Variants in VPS37C observed in about 807,000 individuals in gnomAD.
The protein encoded by VPS37C is vacuolar protein sorting-associated protein 37C.
Under a neutral mutation model 16.1 loss-of-function variants are expected in VPS37C, and 9 were observed. The observed-to-expected ratio is 0.56, with a 90% CI of 0.34 to 0.97. The LOEUF is 0.97. VPS37C is among the 50% of genes least tolerant of loss of function. VPS37C has a pLI of 0.02. For synonymous variants in VPS37C, 207 were observed against 206.4 expected (o/e 1.00, Z -0.02); for missense variants, 479 against 472.7 (o/e 1.01, Z -0.12).
chr11:61,132,975 G>A (rs2134626214), intron 4 of VPS37C: 1 of 567,486 alleles, frequency 1.8e-6, no homozygotes, highest in Non-Finnish European at 3.2e-6. Flanking sequence ...GTAGGGAGCT[G>A]GCCTCAGCCC....
chr11:61,131,050 A>G lies in VPS37C; in HGVS notation c.*770T>C. On this transcript the variant is annotated 3_prime_UTR_variant, in exon 5 of 5. Coordinates refer to ENST00000301765, the MANE Select transcript of VPS37C (RefSeq NM_017966.5). ...GGCCCTCCAATCCTAAACAAGCCCC[A>G]ATGTGACCACAATCTCCAGGGCTAG... 1 of 291,416 alleles carries G rather than the reference A, an allele frequency of 3.4e-6. No individual in the cohort carries two copies. The highest frequency in any genetic ancestry group is 6.5e-6 in the Non-Finnish European group (1 of 153,742). The allele number at this position is 291,416 out of a possible 1,614,324, so 18.1% of individuals were successfully genotyped here.
Position 61,131,162 on chromosome 11 carries a change from ACAACCCC to A in VPS37C, c.*651_*657del, listed in dbSNP as rs1488419466. On this transcript the variant is annotated 3_prime_UTR_variant, in exon 5 of 5. Coordinates refer to ENST00000301765, the MANE Select transcript of VPS37C (RefSeq NM_017966.5). ...CAAGCAAGGTCTGGGGACAACCTTGACAACCCCCAGCCTTCTTGCTGGGCTGGCGCTG... is the reference window on the plus strand; with the variant it reads ...CAAGCAAGGTCTGGGGACAACCTTGACAGCCTTCTTGCTGGGCTGGCGCTG... The A allele has an allele frequency of 5.0e-6, 1 of 198,122 alleles. No homozygotes were observed. The highest frequency in any genetic ancestry group is 1.0e-5 in the Non-Finnish European group (1 of 97,952). The allele number at this position is 198,122 out of a possible 1,614,324, so 12.3% of individuals were successfully genotyped here.
chr11:61,154,114 A>C (rs745749607), intron 1 of VPS37C, among the ~76,000 whole-genome samples: 1 of 152,236 alleles, frequency 6.6e-6, no homozygotes, highest in Non-Finnish European at 1.5e-5. Flanking sequence ...TCCTAAAACA[A>C]TGCCAGGAAC....
chr11:61,138,486 G>A, intron 2 of VPS37C: 2 of 485,852 alleles, frequency 4.1e-6, no homozygotes, highest in Non-Finnish European at 7.5e-6. Context: ...TGGAACGACA[G>A]TGTGGGGACT....
intron 1 of VPS37C, among the ~76,000 whole-genome samples, chr11:61,160,709 C>T (rs1301586480): frequency 1.3e-5 from 2 of 152,198 alleles, no homozygotes; most frequent in African/African-American, 4.8e-5. Context: ...ACTCCTTCTC[C>T]CATCCGTAAA....
intron 1 of VPS37C, among the ~76,000 whole-genome samples, chr11:61,153,469 T>A (rs1040273847): frequency 6.6e-6 from 1 of 152,178 alleles, no homozygotes; most frequent in African/African-American, 2.4e-5. Context: ...AAAAACGGAC[T>A]AATACACCAG....
chr11:61,134,637 G>T (rs889191398), intron 2 of VPS37C, among the ~76,000 whole-genome samples: 2 of 152,174 alleles, frequency 1.3e-5, no homozygotes, highest in African/African-American at 4.8e-5. Flanking sequence ...GGGCTCAGGT[G>T]GTCCTGGCCA....
At chr11:61,152,973 C>T (rs779195833) in intron 1 of VPS37C, among the ~76,000 whole-genome samples, 3 of 152,252 alleles carry the variant, frequency 2.0e-5, no homozygotes, top group Non-Finnish European at 4.4e-5. Context: ...CTGTACACAG[C>T]ACATAGCATT....
chr11:61,147,401 T>A (rs675625), intron 1 of VPS37C, among the ~76,000 whole-genome samples: 86,542 of 151,880 alleles, frequency 0.57, 25,502 homozygotes, highest in East Asian at 0.99. Context: ...ATATCTTGAC[T>A]AAATCGATCC....
At chr11:61,132,606 G>T in intron 4 of VPS37C, 67 bp from the exon 5 acceptor site, 1 of 1,515,434 alleles carries the variant, frequency 6.6e-7, no homozygotes, top group South Asian at 1.3e-5. Context: ...TTTCCCCAGG[G>T]TCTGAGTTCA....
At chr11:61,134,474 C>A (rs1435350505) in intron 2 of VPS37C, among the ~76,000 whole-genome samples, 1 of 152,178 alleles carries the variant, frequency 6.6e-6, no homozygotes, top group African/African-American at 2.4e-5. Flanking sequence ...TCGCCCAAGG[C>A]CATGTGATTG....
chr11:61,140,575 C>T (rs972317282), intron 1 of VPS37C, among the ~76,000 whole-genome samples: 1 of 152,204 alleles, frequency 6.6e-6, no homozygotes, highest in African/African-American at 2.4e-5. Flanking sequence ...ATACAGGTGG[C>T]CAGCCCCTCC....
At chr11:61,139,849 T>C (rs1861444242) in intron 1 of VPS37C, among the ~76,000 whole-genome samples, 1 of 151,262 alleles carries the variant, frequency 6.6e-6, no homozygotes, top group African/African-American at 2.4e-5. Flanking sequence ...GCTCAAATGA[T>C]CCTCCCACCT....
At chr11:61,142,505 A>G (rs1353172289) in intron 1 of VPS37C, among the ~76,000 whole-genome samples, 1 of 152,202 alleles carries the variant, frequency 6.6e-6, no homozygotes, top group African/African-American at 2.4e-5. Context: ...AAGTGCTGGG[A>G]TAACAGGTGT....
At chr11:61,152,623 G>A (rs930057968) in intron 1 of VPS37C, among the ~76,000 whole-genome samples, 6 of 151,940 alleles carry the variant, frequency 3.9e-5, no homozygotes, top group Non-Finnish European at 4.4e-5. Context: ...GGTATACAAC[G>A]CCTTGTATCA....
At chr11:61,142,153 C>T (rs886459627) in intron 1 of VPS37C, among the ~76,000 whole-genome samples, 3 of 152,222 alleles carry the variant, frequency 2.0e-5, no homozygotes, top group Non-Finnish European at 4.4e-5. Flanking sequence ...TTTTCACTCT[C>T]AATGTTAAGG....
intron 1 of VPS37C, among the ~76,000 whole-genome samples, chr11:61,146,615 CACAGGTTCACAGGT>C (rs1853210480): frequency 6.6e-6 from 1 of 152,090 alleles, no homozygotes; most frequent in Admixed American, 6.5e-5. Context: ...CAGGCGGCTG[CACAGGTTCACAGGT>C]ACAGCAGAAA....
chr11:61,142,494 A>G (rs1282997530), intron 1 of VPS37C, among the ~76,000 whole-genome samples: 1 of 152,136 alleles, frequency 6.6e-6, no homozygotes, highest in African/African-American at 2.4e-5. Context: ...TTGACCTCCC[A>G]AAGTGCTGGG....
intron 2 of VPS37C, among the ~76,000 whole-genome samples, chr11:61,136,843 T>C (rs921573827): frequency 1.3e-5 from 2 of 152,180 alleles, no homozygotes; most frequent in African/African-American, 2.4e-5. Flanking sequence ...TAAAAGTTGC[T>C]ATGTAAAATT....
Sources: gnomAD v4.1 joint callset for allele counts (sites outside exome capture counted in the v4.1 genomes callset) on GRCh38, gnomAD v4.1.1 for gene constraint, MANE v1.5 for transcripts, NCBI Gene and HGNC (gene_info 2026-07-23, HGNC 2026-07-21) for gene names.